PSPC1: variants seen among roughly 807,000 people sequenced by gnomAD.
The protein encoded by PSPC1 is paraspeckle component 1, also known as paraspeckle protein 1.
A neutral mutation model predicts 51.6 loss-of-function variants in PSPC1; 14 were observed. That is an observed-to-expected ratio of 0.27 (90% CI 0.18 to 0.42). The LOEUF (loss-of-function observed/expected upper bound fraction) is 0.42. PSPC1 is among the 10% of genes least tolerant of loss of function. PSPC1 has a pLI of 1.00. For missense variants in PSPC1, 406 were observed against 701.1 expected (o/e 0.58, Z 4.75); for synonymous variants, 193 against 231.9 (o/e 0.83, Z 1.53).
intron 6 of PSPC1, among the ~76,000 whole-genome samples, chr13:19,692,017 C>T (rs766867975): frequency 2.0e-5 from 3 of 152,090 alleles, no homozygotes; most frequent in Non-Finnish European, 2.9e-5. Context: ...GTTGGAAAGG[C>T]GGACCAAATC....
rs373339393 is a variant in PSPC1 at position 19,692,210 on chromosome 13, G to A, written c.1159-14387C>T. 3.3e-5 allele frequency among the ~76,000 whole-genome samples: 5 copies of A among 152,126 alleles called. No homozygotes were observed. In the East Asian group the frequency reaches 7.7e-4, roughly 24 times the overall value. The stretch of plus-strand genomic sequence containing the variant: ...GTGATCTCAGCTCGCTGCAACCTCC[G>A]CCTCCCAGGTTCAAGCGATTCTCCT... On this transcript the variant is annotated intron_variant and NMD_transcript_variant, in intron 6 of 7. Transcript: ENST00000471658.
chr13:19,759,230 T>C (rs1186467124), intron 3 of PSPC1, 93 bp downstream of exon 3: 3 of 958,558 alleles, frequency 3.1e-6, no homozygotes, highest in Admixed American at 2.1e-5. Flanking sequence ...ATTATATAAA[T>C]AAACAGAACA....
At position 19,709,196 on chromosome 13, in the gene PSPC1, A is replaced by C. The variant is rs369408189; in HGVS notation, c.1216+346T>G. Among the ~76,000 whole-genome samples the C allele has an allele frequency of 1.3e-3, 197 of 151,154 alleles. 3 individuals are homozygous for C. Among genetic ancestry groups the C allele is most frequent in the African/African-American group, 4.5e-3 (186 of 41,214 alleles). ...AAAAAAAAAGCCAAATAGAAGGCAT[A>C]AAATTTGATTTTAAAACTGCAAAGA... On this transcript the variant is annotated intron_variant, in intron 7 of 8. Coordinates refer to ENST00000338910, the MANE Select transcript of PSPC1 (RefSeq NM_001354909.2).
chr13:19,750,376 G>C (rs1886410368), intron 4 of PSPC1, among the ~76,000 whole-genome samples: 1 of 151,712 alleles, frequency 6.6e-6, no homozygotes, highest in Non-Finnish European at 1.5e-5. Flanking sequence ...AGGCTGCAGG[G>C]AGACAATATG....
chr13:19,756,245 A>G (rs1414405019), intron 3 of PSPC1, among the ~76,000 whole-genome samples: 4 of 152,126 alleles, frequency 2.6e-5, no homozygotes, highest in African/African-American at 7.2e-5. Context: ...CAAAAAATAA[A>G]TAAGTAGGCC....
intron 6 of PSPC1, among the ~76,000 whole-genome samples, chr13:19,715,068 A>G (rs1259075206): frequency 2.0e-5 from 3 of 152,240 alleles, no homozygotes; most frequent in African/African-American, 7.2e-5. Flanking sequence ...GAACATTAAA[A>G]GACATTTGCA....
At chr13:19,686,453 CA>C (rs201661715) in intron 6 of PSPC1, among the ~76,000 whole-genome samples, 5 of 150,236 alleles carry the variant, frequency 3.3e-5, no homozygotes, top group Non-Finnish European at 5.9e-5. Context: ...GAAGTGATCA[CA>C]AAAAAAAATT....
intron 5 of PSPC1, among the ~76,000 whole-genome samples, chr13:19,740,870 C>T: frequency 6.6e-6 from 1 of 151,410 alleles, no homozygotes; most frequent in East Asian, 1.9e-4. Context: ...GAGTCAACTT[C>T]CAGAAATCTT....
intron 6 of PSPC1, among the ~76,000 whole-genome samples, chr13:19,722,223 G>A (rs1028766962): frequency 1.3e-5 from 2 of 152,210 alleles, no homozygotes; most frequent in Admixed American, 6.5e-5. Flanking sequence ...AGGACCAGGT[G>A]CAGTGGCTCA....
At chr13:19,781,132 C>A (rs1045067184) in intron 1 of PSPC1, among the ~76,000 whole-genome samples, 1 of 142,328 alleles carries the variant, frequency 7.0e-6, no homozygotes. Flanking sequence ...GGTGATAGAG[C>A]GAGACCCAGT....
intron 6 of PSPC1, among the ~76,000 whole-genome samples, chr13:19,685,072 A>G (rs1175748547): frequency 6.6e-6 from 1 of 152,244 alleles, no homozygotes; most frequent in Non-Finnish European, 1.5e-5. Flanking sequence ...CCAGGTTAAT[A>G]GGTAACAGAA....
At chr13:19,758,847 A>C (rs1019977012) in intron 3 of PSPC1, among the ~76,000 whole-genome samples, 1 of 152,034 alleles carries the variant, frequency 6.6e-6, no homozygotes, top group Non-Finnish European at 1.5e-5. Flanking sequence ...AAAACAAAAA[A>C]AAAAAAAGTA....
chr13:19,725,662 A>T (rs189369300), intron 6 of PSPC1, among the ~76,000 whole-genome samples: 31 of 152,330 alleles, frequency 2.0e-4, no homozygotes, highest in African/African-American at 7.5e-4. Flanking sequence ...CAGCATGTGA[A>T]CTGAGCCTGG....
At chr13:19,691,068 A>C (rs1270199081) in intron 6 of PSPC1, among the ~76,000 whole-genome samples, 1 of 152,242 alleles carries the variant, frequency 6.6e-6, no homozygotes. Flanking sequence ...TTATTGAATG[A>C]ATAAACAATC....
At chr13:19,707,259 C>A (rs1191943568) in intron 7 of PSPC1, among the ~76,000 whole-genome samples, 2 of 151,982 alleles carry the variant, frequency 1.3e-5, no homozygotes, top group Non-Finnish European at 2.9e-5. Flanking sequence ...TATAAAAAAT[C>A]AAAAATAATA....
intron 1 of PSPC1, among the ~76,000 whole-genome samples, chr13:19,775,091 C>A (rs149122348): frequency 5.7e-4 from 86 of 152,146 alleles, no homozygotes; most frequent in Non-Finnish European, 1.0e-3. Flanking sequence ...GTAATCCCAG[C>A]ACTTTAGGAG....
At chr13:19,760,267 C>T (rs34415191) in intron 2 of PSPC1, among the ~76,000 whole-genome samples, 15,724 of 152,228 alleles carry the variant, frequency 0.1, 938 homozygotes, top group Middle Eastern at 0.14. Context: ...GTGGCTCACA[C>T]CTGTAATCCC....
At chr13:19,762,889 A>G (rs1157562672) in intron 2 of PSPC1, among the ~76,000 whole-genome samples, 1 of 152,134 alleles carries the variant, frequency 6.6e-6, no homozygotes, top group Non-Finnish European at 1.5e-5. Context: ...AGGCAGGTGG[A>G]TCACTCAGGA....
chr13:19,677,614 T>C (rs141528119), intron 7 of PSPC1: 2 of 373,986 alleles, frequency 5.3e-6, no homozygotes, highest in East Asian at 7.7e-5. Flanking sequence ...CCATTACATA[T>C]CTTCATTACA....
Sources: gnomAD v4.1 joint callset for allele counts (sites outside exome capture counted in the v4.1 genomes callset) on GRCh38, gnomAD v4.1.1 for gene constraint, MANE v1.5 for transcripts, NCBI Gene and HGNC (gene_info 2026-07-23, HGNC 2026-07-21) for gene names.